Variants in GRK5 observed in about 807,000 individuals in gnomAD.
GRK5 encodes the protein G protein-coupled receptor kinase 5, also known as g protein-coupled receptor kinase GRK5.
Under a neutral mutation model 78.4 loss-of-function variants are expected in GRK5, and 40 were observed. The ratio of observed to expected loss-of-function variants is 0.51; its 90% CI spans 0.40 to 0.66. The LOEUF is 0.66. GRK5 is among the 30% of genes least tolerant of loss of function. GRK5 has a pLI of 0.00. For synonymous variants in GRK5, 289 were observed against 296.8 expected, an observed-to-expected ratio of 0.97 and a Z score of 0.27; for missense variants, 598 against 759.9, an observed-to-expected ratio of 0.79 and a Z score of 2.50.
Position 119,430,124 on chromosome 10 carries a change from C to T in GRK5, c.534-251C>T, listed in dbSNP as rs577011028. 4.1e-3 allele frequency among the ~76,000 whole-genome samples: 631 copies of T among 152,240 alleles called. 8 individuals are homozygous for T. Among genetic ancestry groups the T allele is most frequent in the African/African-American group, 0.015 (605 of 41,544 alleles). On this transcript the variant is annotated intron_variant, in intron 6 of 15. Transcript: ENST00000392870. This position sits in a 1 kb window ranked among gnomAD's most constrained non-coding sequence, Gnocchi z 4.5. ...AGGTTTTTCAAGCTTTCTGAGCAAGCGAGGCTTGTGCATCCCCCAGCTTGC... is the reference window on the plus strand; with the variant it reads ...AGGTTTTTCAAGCTTTCTGAGCAAGTGAGGCTTGTGCATCCCCCAGCTTGC...
At chr10:119,252,487 G>A (rs1319360180) in intron 1 of GRK5, among the ~76,000 whole-genome samples, 4 of 152,142 alleles carry the variant, frequency 2.6e-5, no homozygotes, top group Non-Finnish European at 5.9e-5. Context: ...AGAGGGCTAC[G>A]CTGGAGAGGC....
rs369078145 is a variant in GRK5 at position 119,425,074 on chromosome 10, G to A, written c.522G>A (p.Lys174=). 32 of 1,612,852 alleles carry A rather than the reference G, an allele frequency of 2.0e-5. No homozygotes were observed. Among genetic ancestry groups the A allele is most frequent in the Middle Eastern group, 3.3e-4 (2 of 6,060 alleles). The change falls in exon 6 of 16, where the codon AAG becomes AAA. Residue 174 remains lysine (K), a synonymous_variant. Transcript: ENST00000392870. Reference sequence around the variant, plus strand: ...TTTTTGACCGCTTTCTCCAGTGGAAGTGGTTGGAAAGGTGAGTCCACCACA... The same window carrying A: ...TTTTTGACCGCTTTCTCCAGTGGAAATGGTTGGAAAGGTGAGTCCACCACA... The part of the protein sequence containing the change: ...SMFFDRFLQW[K]WLERQPVTKN...
At chr10:119,313,227 GTGA>G (rs1218217777) in intron 1 of GRK5, among the ~76,000 whole-genome samples, 20 of 145,700 alleles carry the variant, frequency 1.4e-4, no homozygotes, top group African/African-American at 1.5e-4. Context: ...GGTGACGGTA[GTGA>G]TGATGGTGGT....
intron 1 of GRK5, among the ~76,000 whole-genome samples, chr10:119,290,925 C>T (rs542103870): frequency 5.3e-4 from 80 of 152,236 alleles, no homozygotes; most frequent in African/African-American, 1.8e-3. Flanking sequence ...CACTGCCTGT[C>T]CAAGTCAGAG....
At chr10:119,329,874 T>C (rs951343728) in intron 2 of GRK5, among the ~76,000 whole-genome samples, 1 of 146,326 alleles carries the variant, frequency 6.8e-6, no homozygotes, top group African/African-American at 2.5e-5. Context: ...TTTTTTTTTT[T>C]TTTTTTGAGA....
At chr10:119,446,808 C>T (rs759997640) in intron 12 of GRK5, among the ~76,000 whole-genome samples, 1 of 152,292 alleles carries the variant, frequency 6.6e-6, no homozygotes, top group African/African-American at 2.4e-5. Context: ...CCCCTCCAGA[C>T]CCTGAGCCCC....
intron 1 of GRK5, among the ~76,000 whole-genome samples, chr10:119,252,401 T>C (rs1184494327): frequency 6.6e-6 from 1 of 152,140 alleles, no homozygotes; most frequent in African/African-American, 2.4e-5. Flanking sequence ...CGTGCAGCCC[T>C]TTCCCAGGGC....
intron 2 of GRK5, among the ~76,000 whole-genome samples, chr10:119,345,686 G>T (rs1851078399): frequency 6.6e-6 from 1 of 152,096 alleles, no homozygotes; most frequent in Non-Finnish European, 1.5e-5. Flanking sequence ...ACTGCCTATG[G>T]TTCCTTCACC....
At position 119,380,918 on chromosome 10, in the gene GRK5, G is replaced by A. The variant is rs745530311; in HGVS notation, c.252G>A (p.Leu84=). ...RPGLECYIQF[L]DSVAEYEVTP... is the part of the protein sequence containing the mutation. ...GGCTGGAGTGTTACATTCAGTTCCT[G>A]GACTCCGTGGTAAGTTCCTGCTCCT... The change falls in exon 3 of 16, where the codon CTG becomes CTA. Residue 84 remains leucine, a synonymous_variant. Coordinates refer to ENST00000392870, the MANE Select transcript of GRK5 (RefSeq NM_005308.3). 2 of 1,603,736 alleles carry A rather than the reference G, an allele frequency of 1.2e-6. No individual in the cohort carries two copies. The highest frequency in any genetic ancestry group is 1.7e-6 in the Non-Finnish European group (2 of 1,170,890).
At chr10:119,263,546 G>A (rs61874481) in intron 1 of GRK5, among the ~76,000 whole-genome samples, 2,581 of 152,218 alleles carry the variant, frequency 0.017, 30 homozygotes, top group Non-Finnish European at 0.025. Context: ...AGTGTCCTTG[G>A]ACAAGGAAGA....
chr10:119,394,417 G>GTGTATCT (rs1851980820), intron 3 of GRK5, among the ~76,000 whole-genome samples: 1 of 40,236 alleles, frequency 2.5e-5, no homozygotes, highest in African/African-American at 1.0e-4. Flanking sequence ...TGTGTGTGGG[G>GTGTATCT]GTGTGTGGGT....
rs1853133487 is a variant in GRK5 at position 119,445,745 on chromosome 10, C to T, written c.1266+1993C>T. On this transcript the variant is annotated intron_variant, in intron 12 of 15. Coordinates refer to ENST00000392870, the MANE Select transcript of GRK5 (RefSeq NM_005308.3). This position sits in a 1 kb window ranked among gnomAD's most constrained non-coding sequence, Gnocchi z 4.1. ...CAGCTGGTGGCAGCTCAGGACACTGCAGAGCCTGACTTGCCAGGAGACCTC... is the reference window on the plus strand; with the variant it reads ...CAGCTGGTGGCAGCTCAGGACACTGTAGAGCCTGACTTGCCAGGAGACCTC... Among the ~76,000 whole-genome samples the T allele has an allele frequency of 6.6e-6, 1 of 152,168 alleles. No homozygotes were observed. Among genetic ancestry groups the T allele is most frequent in the Non-Finnish European group, 1.5e-5 (1 of 68,014 alleles).
chr10:119,240,160 C>G (rs528717648), intron 1 of GRK5, among the ~76,000 whole-genome samples: 5 of 150,800 alleles, frequency 3.3e-5, no homozygotes, highest in Non-Finnish European at 7.4e-5. Context: ...TCCTATTTCT[C>G]CACATCCTCT....
intron 15 of GRK5, among the ~76,000 whole-genome samples, chr10:119,454,086 A>G (rs1853352898): frequency 6.6e-6 from 1 of 152,172 alleles, no homozygotes; most frequent in Non-Finnish European, 1.5e-5. Context: ...CCTCCTCTCC[A>G]CAAAGAGCCA....
chr10:119,241,794 G>T (rs1394036528), intron 1 of GRK5, among the ~76,000 whole-genome samples: 1 of 152,218 alleles, frequency 6.6e-6, no homozygotes, highest in Non-Finnish European at 1.5e-5. Context: ...GGTTACAAAT[G>T]AAGTTGACAA....
At chr10:119,358,914 T>A (rs1441038311) in intron 2 of GRK5, among the ~76,000 whole-genome samples, 1 of 152,130 alleles carries the variant, frequency 6.6e-6, no homozygotes, top group African/African-American at 2.4e-5. Flanking sequence ...TCCTCTGAGC[T>A]CTCTGGTGTC....
At chr10:119,307,917 C>T (rs1850298332) in intron 1 of GRK5, among the ~76,000 whole-genome samples, 1 of 152,118 alleles carries the variant, frequency 6.6e-6, no homozygotes. Context: ...CTTGCCCCAG[C>T]TTGCTCTGTT....
chr10:119,422,869 A>C lies in GRK5; in HGVS notation c.340-297A>C, dbSNP rs2133884153. Among the ~76,000 whole-genome samples the C allele has an allele frequency of 1.3e-5, 2 of 152,326 alleles. 1 individual carries two copies. Among genetic ancestry groups the C allele is most frequent in the Admixed American group, 1.3e-4 (2 of 15,306 alleles). ...ATGAGGAATGAGGCTCAGAGAAGCCAAGTGACCTCCATGAGGTCACACAGC... is the reference window on the plus strand; with the variant it reads ...ATGAGGAATGAGGCTCAGAGAAGCCCAGTGACCTCCATGAGGTCACACAGC... On this transcript the variant is annotated intron_variant, in intron 4 of 15. Transcript: ENST00000392870.
intron 2 of GRK5, among the ~76,000 whole-genome samples, chr10:119,355,428 G>C (rs904146508): frequency 6.6e-6 from 1 of 152,108 alleles, no homozygotes; most frequent in Non-Finnish European, 1.5e-5. Context: ...GGGCTTGCTG[G>C]GTCATGTGGT....
Sources: gnomAD v4.1 joint callset for allele counts (sites outside exome capture counted in the v4.1 genomes callset) on GRCh38, gnomAD v4.1.1 for gene constraint, Gnocchi (gnomAD v3.1) non-coding constraint, MANE v1.5 for transcripts, NCBI Gene and HGNC (gene_info 2026-07-23, HGNC 2026-07-21) for gene names.